Variants in COL4A2 observed in about 807,000 individuals in gnomAD.
COL4A2 encodes collagen alpha-2(IV) chain.
A neutral mutation model predicts 200.2 loss-of-function variants in COL4A2; 99 were observed. That is an observed-to-expected ratio of 0.49 (90% CI 0.42 to 0.58). The LOEUF is 0.58. COL4A2 is among the 20% of genes least tolerant of loss of function. The probability of loss-of-function intolerance (pLI) is 0.00; values close to 1 mark genes in which losing one functional copy is unlikely to be tolerated. For missense variants in COL4A2, 1,950 were observed against 2,314.1 expected, an observed-to-expected ratio of 0.84 and a Z score of 3.23; for synonymous variants, 897 against 900.6, an observed-to-expected ratio of 1.00 and a Z score of 0.07.
intron 16 of COL4A2, among the ~76,000 whole-genome samples, chr13:110,444,032 T>G (rs1168024214): frequency 6.6e-6 from 1 of 152,192 alleles, no homozygotes; most frequent in Non-Finnish European, 1.5e-5. Flanking sequence ...GTTGACCTGT[T>G]GACCTGCCGC....
At chr13:110,493,075 CCCCA>C (rs1883340082) in intron 38 of COL4A2, 132 bp from the exon 39 acceptor site, 7 of 852,470 alleles carry the variant, frequency 8.2e-6, no homozygotes, top group East Asian at 2.7e-5. Context: ...TGAGTGACAC[CCCCA>C]TGGGTGAAAT....
At position 110,438,625 on chromosome 13, in the gene COL4A2, C is replaced by A. The variant is rs1880996241; in HGVS notation, c.869C>A (p.Ser290Tyr). ...SEGEPGIRGI[S>Y]LKGEEGIMGF... ...CCCTCTGCTCTCTCCTAGGGCATTT[C>A]CTTGAAGGGAGAAGAAGGAATCATG... Residue 290 changes from serine to tyrosine, a missense_variant, in exon 15 of 48, where the codon TCC becomes TAC. By Grantham distance (144) the Ser-to-Tyr change is moderately radical. Around this residue, in one of 2 missense-constraint regions of COL4A2, gnomAD observed 565 missense variants for 593.5 expected, o/e 0.95. Transcript: ENST00000360467. 1 of 1,614,080 alleles carries A rather than the reference C, an allele frequency of 6.2e-7. No individual in the cohort carries two copies. The highest frequency in any genetic ancestry group is 1.1e-5 in the South Asian group (1 of 91,088).
chr13:110,433,015 G>A (rs1880738908), intron 11 of COL4A2, among the ~76,000 whole-genome samples: 1 of 152,260 alleles, frequency 6.6e-6, no homozygotes, highest in African/African-American at 2.4e-5. Context: ...TGATCAAAAT[G>A]CAACATAATT....
chr13:110,458,347 A>G (rs534297479), intron 21 of COL4A2: 4 of 338,160 alleles, frequency 1.2e-5, no homozygotes, highest in Admixed American at 9.2e-5. Flanking sequence ...ATGACCTTTC[A>G]TGACCTTGGC....
chr13:110,502,756 TG>T, intron 41 of COL4A2: 2 of 213,558 alleles, frequency 9.4e-6, no homozygotes, highest in East Asian at 1.6e-4. Context: ...ACGAGGCCCC[TG>T]AAGTCATCAA....
chr13:110,330,660 C>T (rs1048667110), intron 3 of COL4A2, among the ~76,000 whole-genome samples: 2 of 152,184 alleles, frequency 1.3e-5, no homozygotes, highest in African/African-American at 4.8e-5. Context: ...CTCCGATCCG[C>T]AGGGCACGAT....
intron 4 of COL4A2, among the ~76,000 whole-genome samples, chr13:110,393,898 A>G (rs755742328): frequency 2.6e-5 from 4 of 152,180 alleles, no homozygotes; most frequent in Non-Finnish European, 5.9e-5. Context: ...TCTTTTTTAC[A>G]TGACTCAGAT....
At chr13:110,313,262 G>A (rs1382251994) in intron 3 of COL4A2, among the ~76,000 whole-genome samples, 1 of 152,144 alleles carries the variant, frequency 6.6e-6, no homozygotes, top group African/African-American at 2.4e-5. Context: ...TGTCAGGACA[G>A]GTGACGGCCT....
Position 110,512,016 on chromosome 13 carries a change from T to C in COL4A2, c.4964T>C (p.Phe1655Ser). 1 of 1,613,514 alleles carries C rather than the reference T, an allele frequency of 6.2e-7. No individual in the cohort carries two copies. Among genetic ancestry groups the C allele is most frequent in the Non-Finnish European group, 8.5e-7 (1 of 1,180,028 alleles). Residue 1655 changes from phenylalanine (F) to serine (S), a missense_variant, in exon 48 of 48, where the codon TTC becomes TCC. By Grantham distance (155) the Phe-to-Ser change is radical (BLOSUM62 -2). Transcript: ENST00000360467. ...CTAGAGGACTTCCGCGCCACACCAT[T>C]CATCGAATGCAATGGAGGCCGCGGC... Reference protein sequence around the residue: ...SCLEDFRATPFIECNGGRGTC... With the variant: ...SCLEDFRATPSIECNGGRGTC...
Position 110,385,600 on chromosome 13 carries a change from T to TGC in COL4A2, c.180+28049_180+28050insCG, listed in dbSNP as rs1878683413. On this transcript the variant is annotated intron_variant, in intron 4 of 47. Coordinates refer to ENST00000360467, the MANE Select transcript of COL4A2 (RefSeq NM_001846.4). ...GTGTGTGGATAGGCCGTGGTTACAGTGTGTGGATAGGCCGTGGCTACAGTG... is the reference window on the plus strand; with the variant it reads ...GTGTGTGGATAGGCCGTGGTTACAGTGCGTGTGGATAGGCCGTGGCTACAGTG... 1.4e-5 allele frequency among the ~76,000 whole-genome samples: 2 copies of TGC among 140,092 alleles called. 1 individual carries two copies. Among genetic ancestry groups the TGC allele is most frequent in the Non-Finnish European group, 3.0e-5 (2 of 66,180 alleles). The allele number at this position is 140,092 out of a possible 152,430, so 91.9% of individuals were successfully genotyped here.
chr13:110,355,006 G>A (rs1877129685), intron 3 of COL4A2, among the ~76,000 whole-genome samples: 1 of 152,254 alleles, frequency 6.6e-6, no homozygotes, highest in Non-Finnish European at 1.5e-5. Flanking sequence ...TACAGAGGGA[G>A]TCCCCAAGTG....
chr13:110,468,829 C>T (rs1191610536), intron 27 of COL4A2, among the ~76,000 whole-genome samples: 3 of 152,298 alleles, frequency 2.0e-5, no homozygotes, highest in South Asian at 4.1e-4. Flanking sequence ...TCATAGTCCT[C>T]GTGGCGTCCT....
chr13:110,449,094 T>C (rs1021402011), intron 18 of COL4A2, among the ~76,000 whole-genome samples: 1 of 152,258 alleles, frequency 6.6e-6, no homozygotes, highest in African/African-American at 2.4e-5. Context: ...TAAGACGACA[T>C]GCAGAGTGAA....
At chr13:110,336,522 C>A (rs959613869) in intron 3 of COL4A2, among the ~76,000 whole-genome samples, 1 of 152,128 alleles carries the variant, frequency 6.6e-6, no homozygotes, top group Non-Finnish European at 1.5e-5. Context: ...ATCCTTACGA[C>A]GACCTGGCCT....
At chr13:110,453,270 G>C (rs1279600637) in intron 20 of COL4A2, among the ~76,000 whole-genome samples, 1 of 152,012 alleles carries the variant, frequency 6.6e-6, no homozygotes, top group Admixed American at 6.5e-5. Context: ...GGAAAGCCGA[G>C]GGGGGCCGAT....
chr13:110,407,637 G>A (rs1879622582), intron 4 of COL4A2, among the ~76,000 whole-genome samples: 1 of 152,234 alleles, frequency 6.6e-6, no homozygotes, highest in Non-Finnish European at 1.5e-5. Flanking sequence ...GCAGTGGGAT[G>A]GGGTGCACAG....
intron 2 of COL4A2, 54 bp downstream of exon 2, chr13:110,308,001 T>C: frequency 1.2e-6 from 2 of 1,611,338 alleles, no homozygotes. Flanking sequence ...GACCCTTCGG[T>C]GTAACTCTCG....
At chr13:110,493,107 CCA>C (rs1274370982) in intron 38 of COL4A2, 102 bp from the exon 39 acceptor site, 9 of 1,245,812 alleles carry the variant, frequency 7.2e-6, no homozygotes, top group East Asian at 7.0e-5. Context: ...AGTGACACCC[CCA>C]TGGGTGAAAT....
intron 26 of COL4A2, among the ~76,000 whole-genome samples, 163 bp from the exon 27 acceptor site, chr13:110,466,877 T>A (rs1325241171): frequency 1.3e-5 from 2 of 152,188 alleles, no homozygotes; most frequent in Non-Finnish European, 2.9e-5. Context: ...AATTAAACTT[T>A]TATTTACATC....
Sources: gnomAD v4.1 joint callset for allele counts (sites outside exome capture counted in the v4.1 genomes callset) on GRCh38, gnomAD v4.1.1 for gene constraint, gnomAD v4.1.1 regional missense constraint, MANE v1.5 for transcripts, NCBI Gene and HGNC (gene_info 2026-07-23, HGNC 2026-07-21) for gene names.